The following BAHCC1 variants were observed in gnomAD, a reference collection of about 807,000 sequenced individuals.
BAHCC1 encodes BAH and coiled-coil domain-containing protein 1.
A neutral mutation model predicts 88.2 loss-of-function variants in BAHCC1; 43 were observed. That is an observed-to-expected ratio of 0.49 (90% CI 0.38 to 0.63). The LOEUF (loss-of-function observed/expected upper bound fraction) is 0.63, where lower values mean the gene tolerates loss of function less well. BAHCC1 is among the 20% of genes least tolerant of loss of function. The pLI is 0.00. For synonymous variants in BAHCC1, 1,510 were observed against 745.5 expected, an observed-to-expected ratio of 2.03 and a Z score of -16.71; for missense variants, 3,023 against 1,654.8, an observed-to-expected ratio of 1.83 and a Z score of -14.34.
At position 81,459,544 on chromosome 17, in the gene BAHCC1, C is replaced by T. The variant is rs782611737; in HGVS notation, c.5845C>T (p.Arg1949Trp). The part of the protein sequence containing the change: ...QSSRYLPPGT[R>W]VCAYWSQKSR... ...CAGCCGGTACCTCCCGCCCGGCACG[C>T]GGGTCTGCGCCTACTGGAGTCAGAA... is the stretch of plus-strand genomic sequence containing the variant. Residue 1949 changes from arginine (R) to tryptophan (W), a missense_variant, in exon 23 of 28, where the codon CGG becomes TGG. Coordinates refer to ENST00000675386, the MANE Select transcript of BAHCC1 (RefSeq NM_001377448.1). The T allele has an allele frequency of 6.4e-6, 5 of 779,542 alleles. No individual in the cohort carries two copies. Among genetic ancestry groups the T allele is most frequent in the South Asian group, 1.3e-5 (1 of 74,634 alleles). The allele number at this position is 779,542 out of a possible 1,614,324, so 48.3% of individuals were successfully genotyped here. A position where few individuals can be genotyped will look rare whatever the true frequency, so the allele number is the denominator to read the frequency against.
At position 81,443,519 on chromosome 17, in the gene BAHCC1, G is replaced by C. The variant is rs535732488; in HGVS notation, c.2170G>C (p.Gly724Arg). 2 of 688,002 alleles carry C rather than the reference G, an allele frequency of 2.9e-6. No homozygotes were observed. The highest frequency in any genetic ancestry group is 5.4e-6 in the Non-Finnish European group (2 of 373,626). The allele number at this position is 688,002 out of a possible 1,614,324, so 42.6% of individuals were successfully genotyped here. The change falls in exon 5 of 28, where the codon GGC (glycine) becomes CGC (arginine). Residue 724 changes from glycine (G) to arginine (R), a missense_variant. By Grantham distance (125) the Gly-to-Arg change is moderately radical (BLOSUM62 -2). Transcript: ENST00000675386. ...AGTGAGCCGGTCTGAGGCAGCCTACGGCACCAACACTGCGCGGCAGGGCCG... is the reference window on the plus strand; with the variant it reads ...AGTGAGCCGGTCTGAGGCAGCCTACCGCACCAACACTGCGCGGCAGGGCCG... ...DTVSRSEAAY[G>R]TNTARQGRAA...
intron 2 of BAHCC1, among the ~76,000 whole-genome samples, chr17:81,417,936 A>G (rs1269610075): frequency 6.6e-6 from 1 of 151,844 alleles, no homozygotes; most frequent in East Asian, 1.9e-4. Flanking sequence ...CTGCCCCCAC[A>G]CTGCTTCCCA....
rs1161706253 is a variant in BAHCC1 at position 81,434,006 on chromosome 17, G to A, written c.359-4364G>A. On this transcript the variant is annotated intron_variant, in intron 3 of 27. Coordinates refer to ENST00000675386, the MANE Select transcript of BAHCC1 (RefSeq NM_001377448.1). The surrounding 1 kb of genome is among the most constrained non-coding windows in gnomAD (Gnocchi z 4.9). ...TGGCTGCACGGCAGGGACGTCCTGCGTGACAGGGACGATGTGCAGAACCTC... is the reference window on the plus strand; with the variant it reads ...TGGCTGCACGGCAGGGACGTCCTGCATGACAGGGACGATGTGCAGAACCTC... 2.6e-4 allele frequency among the ~76,000 whole-genome samples: 39 copies of A among 152,176 alleles called. No homozygotes were observed. Among genetic ancestry groups the A allele is most frequent in the Admixed American group, 2.4e-3 (36 of 15,292 alleles).
chr17:81,449,682 C>T (rs1302507771), intron 11 of BAHCC1, among the ~76,000 whole-genome samples: 1 of 152,028 alleles, frequency 6.6e-6, no homozygotes, highest in African/African-American at 2.4e-5. Context: ...GCCCACCCCC[C>T]CTCGGCCCTC....
At chr17:81,404,659 T>G (rs1268566370) in intron 2 of BAHCC1, among the ~76,000 whole-genome samples, 2 of 152,212 alleles carry the variant, frequency 1.3e-5, no homozygotes, top group African/African-American at 4.8e-5. Flanking sequence ...TAAGAGTGTT[T>G]TAACAATCAG....
At chr17:81,400,481 T>G (rs2063801672) in intron 2 of BAHCC1, among the ~76,000 whole-genome samples, 1 of 152,148 alleles carries the variant, frequency 6.6e-6, no homozygotes, top group South Asian at 2.1e-4. Flanking sequence ...CAGGGATGCA[T>G]TTGCCTTAAC....
At chr17:81,462,562 T>C in intron 26 of BAHCC1, 178 bp from the exon 27 acceptor site, 1 of 584,234 alleles carries the variant, frequency 1.7e-6, no homozygotes, top group Non-Finnish European at 3.0e-6. Flanking sequence ...CTGCTCCAGA[T>C]CCATGGCTGC....
At position 81,451,721 on chromosome 17, in the gene BAHCC1, A is replaced by G. The variant is rs782700415; in HGVS notation, c.4030A>G (p.Thr1344Ala). ...CCTGCAGCACCTGGCCACGCTGGCCACAGCCTGGTCCCTGGTGGAGGCCGC... is the reference window on the plus strand; with the variant it reads ...CCTGCAGCACCTGGCCACGCTGGCCGCAGCCTGGTCCCTGGTGGAGGCCGC... ...FNLQHLATLA[T>A]AWSLVEAAGL... The change falls in exon 12 of 28, where the codon ACA (threonine) becomes GCA (alanine). Residue 1344 changes from threonine (T) to alanine (A), a missense_variant. Transcript: ENST00000675386. 1 of 776,722 alleles carries G rather than the reference A, an allele frequency of 1.3e-6. No individual in the cohort carries two copies. Among genetic ancestry groups the G allele is most frequent in the South Asian group, 1.3e-5 (1 of 74,492 alleles). 48.1% of individuals were successfully genotyped at this position (776,722 alleles called of 1,614,324 possible).
chr17:81,432,576 C>T (rs1439026776), intron 3 of BAHCC1, among the ~76,000 whole-genome samples: 3 of 138,850 alleles, frequency 2.2e-5, no homozygotes, highest in African/African-American at 5.4e-5. Context: ...TCGCCGGGCC[C>T]ACCCTCCCCT....
At chr17:81,400,052 G>T in intron 2 of BAHCC1, 135 bp downstream of exon 2, 1 of 818,784 alleles carries the variant, frequency 1.2e-6, no homozygotes, top group Non-Finnish European at 1.6e-6. Context: ...CCTGGGCGCT[G>T]AGCGGGGCCG....
In BAHCC1 at chr17:81,444,524, C is replaced by T. The variant is rs1555653744; in HGVS notation, c.2468C>T (p.Pro823Leu). The change falls in exon 7 of 28, where the codon CCC becomes CTC. Residue 823 changes from proline (P) to leucine (L), a missense_variant. Physicochemically the swap from Pro to Leu is moderately conservative, Grantham distance 98. Coordinates refer to ENST00000675386, the MANE Select transcript of BAHCC1 (RefSeq NM_001377448.1). ...ACCCACCCCCATCCCCCCTGGCTGC[C>T]CCGCACCCGCAGCCCCTCCCTGTGG... Reference protein sequence around the residue: ...PHTHPHPPWLPRTRSPSLWMG... With the variant: ...PHTHPHPPWLLRTRSPSLWMG... 1 of 695,886 alleles carries T rather than the reference C, an allele frequency of 1.4e-6. No individual in the cohort carries two copies. The highest frequency in any genetic ancestry group is 2.6e-6 in the Non-Finnish European group (1 of 380,154). 43.1% of individuals were successfully genotyped at this position (695,886 alleles called of 1,614,324 possible). A position where few individuals can be genotyped will look rare whatever the true frequency, so the allele number is the denominator to read the frequency against.
Position 81,444,550 on chromosome 17 carries a change from A to T in BAHCC1, c.2494A>T (p.Met832Leu), listed in dbSNP as rs782037465. 4.2e-6 allele frequency: 3 copies of T among 713,992 alleles called. No homozygotes were observed. In the Admixed American group the frequency reaches 5.7e-5, roughly 13 times the overall value. 44.2% of individuals were successfully genotyped at this position (713,992 alleles called of 1,614,324 possible). The change falls in exon 7 of 28, where the codon ATG (methionine) becomes TTG (leucine). Residue 832 changes from methionine (M) to leucine (L), a missense_variant. Physicochemically the swap from Met to Leu is conservative, Grantham distance 15. Transcript: ENST00000675386. ...LPRTRSPSLW[M>L]GGHSYGLGHP... Reference sequence around the variant, plus strand: ...CCGCACCCGCAGCCCCTCCCTGTGGATGGGGGGGCACTCCTACGGTCAGTG... The same window carrying T: ...CCGCACCCGCAGCCCCTCCCTGTGGTTGGGGGGGCACTCCTACGGTCAGTG...
At chr17:81,415,122 C>T (rs1346156582) in intron 2 of BAHCC1, among the ~76,000 whole-genome samples, 3 of 152,210 alleles carry the variant, frequency 2.0e-5, no homozygotes, top group African/African-American at 7.2e-5. Context: ...GGGACGGGCC[C>T]GGGCGAGGGA....
At position 81,459,583 on chromosome 17, in the gene BAHCC1, T is replaced by C. The variant is rs1555658572; in HGVS notation, c.5884T>C (p.Tyr1962His). ...AYWSQKSRCLYPGNVVRGASG... is the reference protein window; with the variant it reads ...AYWSQKSRCLHPGNVVRGASG... Reference sequence around the variant, plus strand: ...CTGGAGTCAGAAGTCTCGATGTCTGTACCCGGGCAACGTGGTCCGGGGTAA... The same window carrying C: ...CTGGAGTCAGAAGTCTCGATGTCTGCACCCGGGCAACGTGGTCCGGGGTAA... Residue 1962 changes from tyrosine (Y) to histidine (H), a missense_variant, in exon 23 of 28, where the codon TAC (tyrosine) becomes CAC (histidine). By Grantham distance (83) the Tyr-to-His change is moderately conservative (BLOSUM62 2). Transcript: ENST00000675386. The C allele has an allele frequency of 1.3e-6, 1 of 779,640 alleles. No individual in the cohort carries two copies. The allele number at this position is 779,640 out of a possible 1,614,324, so 48.3% of individuals were successfully genotyped here.
At chr17:81,463,016 G>A (rs782428433) in intron 27 of BAHCC1, 40 bp downstream of exon 27, 1 of 762,282 alleles carries the variant, frequency 1.3e-6, no homozygotes. Context: ...CCCCCTCGGG[G>A]CCCCAGGGAG....
intron 2 of BAHCC1, chr17:81,403,018 T>C (rs2063835860): frequency 6.6e-6 from 1 of 152,230 alleles, no homozygotes; most frequent in Admixed American, 6.5e-5. Flanking sequence ...CTAATACAGA[T>C]GGTCCGGAGG....
Position 81,435,413 on chromosome 17 carries a change from C to G in BAHCC1, c.359-2957C>G, listed in dbSNP as rs1450220120. 6.4e-6 allele frequency: 3 copies of G among 468,592 alleles called. No homozygotes were observed. Among genetic ancestry groups the G allele is most frequent in the Non-Finnish European group, 1.3e-5 (3 of 226,758 alleles). The allele number at this position is 468,592 out of a possible 1,614,324, so 29.0% of individuals were successfully genotyped here. ...GACCTCGGTGCGACCCCCACTGCCC[C>G]CAGGGCTCTTCCCCACGCTCCACCA... On this transcript the variant is annotated intron_variant, in intron 3 of 27. Transcript: ENST00000675386. This position sits in a 1 kb window ranked among gnomAD's most constrained non-coding sequence, Gnocchi z 4.4.
rs559609182 is a variant in BAHCC1, at chr17:81,435,916, T to C, written c.359-2454T>C. On this transcript the variant is annotated intron_variant, in intron 3 of 27. Transcript: ENST00000675386. The surrounding 1 kb of genome is among the most constrained non-coding windows in gnomAD (Gnocchi z 4.4). ...GCCTCAGAACAGCTGCTCTGATTCATAAAAATCATTTTTAAATTTTCTTTC... is the reference window on the plus strand; with the variant it reads ...GCCTCAGAACAGCTGCTCTGATTCACAAAAATCATTTTTAAATTTTCTTTC... Among the ~76,000 whole-genome samples, 1 of 152,362 alleles carries C rather than the reference T, an allele frequency of 6.6e-6. No individual in the cohort carries two copies. Among genetic ancestry groups the C allele is most frequent in the African/African-American group, 2.4e-5 (1 of 41,592 alleles).
At chr17:81,431,921 G>A (rs2064265365) in intron 3 of BAHCC1, among the ~76,000 whole-genome samples, 4 of 152,142 alleles carry the variant, frequency 2.6e-5, no homozygotes, top group African/African-American at 2.4e-5. Flanking sequence ...GGCTGCACCC[G>A]AGCCCCTGCG....
Sources: gnomAD v4.1 joint callset for allele counts (sites outside exome capture counted in the v4.1 genomes callset) on GRCh38, gnomAD v4.1.1 for gene constraint, Gnocchi (gnomAD v3.1) non-coding constraint, MANE v1.5 for transcripts, NCBI Gene and HGNC (gene_info 2026-07-23, HGNC 2026-07-21) for gene names.